Variants in AQP7 observed in about 807,000 individuals in gnomAD.
AQP7 encodes aquaporin-7.
Under a neutral mutation model 26.1 loss-of-function variants are expected in AQP7, and 22 were observed. The observed-to-expected ratio is 0.84, with a 90% CI of 0.60 to 1.20. The LOEUF (loss-of-function observed/expected upper bound fraction) is 1.20, where lower values mean the gene tolerates loss of function less well. Among genes scored for constraint, AQP7 ranks in the 50% most tolerant of loss-of-function variants. The probability of loss-of-function intolerance (pLI) is 0.00; values close to 1 mark genes in which losing one functional copy is unlikely to be tolerated. For synonymous variants in AQP7, 167 were observed against 181.7 expected, an observed-to-expected ratio of 0.92 and a Z score of 0.65; for missense variants, 412 against 457.5, an observed-to-expected ratio of 0.90 and a Z score of 0.91.
At chr9:33,389,153 G>A (rs569719054) in intron 3 of AQP7, among the ~76,000 whole-genome samples, 3 of 151,618 alleles carry the variant, frequency 2.0e-5, no homozygotes, top group South Asian at 4.2e-4. Flanking sequence ...TTAGCCTCCC[G>A]AGTAGTTGAG....
chr9:33,402,022 C>A (rs1217663633), intron 1 of AQP7: 1 of 152,652 alleles, frequency 6.6e-6, no homozygotes. Flanking sequence ...ACGCCTCCCG[C>A]TGTGGTCCAC....
chr9:33,390,304 G>A (rs1825268258), intron 3 of AQP7, among the ~76,000 whole-genome samples: 1 of 152,070 alleles, frequency 6.6e-6, no homozygotes, highest in Admixed American at 6.6e-5. Flanking sequence ...TGGTGCAGAA[G>A]TGGAGGGGTC....
At position 33,385,715 on chromosome 9, in the gene AQP7, T is replaced by C. The variant is rs760474263; in HGVS notation, c.677A>G (p.Asn226Ser). The part of the protein sequence containing the change: ...SLGMNTGYAI[N>S]PSRDLPPRIF... ...GCGGGGGGGCAGGTCCCGGGACGGG[T>C]TGATGGCATATCCTGTGTTCATGCC... The change falls in exon 7 of 8, where the codon AAC becomes AGC. Residue 226 changes from asparagine (N) to serine (S), a missense_variant. Physicochemically the swap from Asn to Ser is conservative, Grantham distance 46. Coordinates refer to ENST00000297988, the MANE Select transcript of AQP7 (RefSeq NM_001170.3). The C allele has an allele frequency of 3.1e-6, 5 of 1,613,708 alleles. No homozygotes were observed. In the African/African-American group the frequency reaches 6.7e-5, roughly 22 times the overall value.
intron 2 of AQP7, among the ~76,000 whole-genome samples, chr9:33,399,173 CAACT>C (rs1211627435): frequency 6.6e-6 from 1 of 151,940 alleles, no homozygotes; most frequent in East Asian, 1.9e-4. Context: ...TATCAAAAAC[CAACT>C]AACTGATTCT....
In AQP7 at chr9:33,386,220, G is replaced by C. The variant is rs190955152; in HGVS notation, c.407-25C>G. 5.3e-5 allele frequency: 86 copies of C among 1,613,720 alleles called. No homozygotes were observed. In the African/African-American group the frequency reaches 1.1e-3, roughly 21 times the overall value. On this transcript the variant is annotated intron_variant, in intron 5 of 7. Coordinates refer to ENST00000297988, the MANE Select transcript of AQP7 (RefSeq NM_001170.3). ...GCTGCGGAGACACAGACTGTCATGCGAACCTGCTCCCAACTAAGCCCCACC... is the reference window on the plus strand; with the variant it reads ...GCTGCGGAGACACAGACTGTCATGCCAACCTGCTCCCAACTAAGCCCCACC...
At chr9:33,396,430 C>T (rs1382874851) in intron 2 of AQP7, among the ~76,000 whole-genome samples, 2 of 118,904 alleles carry the variant, frequency 1.7e-5, no homozygotes, top group Non-Finnish European at 3.4e-5. Context: ...AAGAGCGAGA[C>T]TCCATCTCAA....
intron 2 of AQP7, among the ~76,000 whole-genome samples, chr9:33,397,659 GC>G (rs1825950598): frequency 6.6e-6 from 1 of 152,124 alleles, no homozygotes; most frequent in Admixed American, 6.5e-5. Flanking sequence ...ACTTTTTGCT[GC>G]TGTGAGGTCA....
chr9:33,393,511 T>A (rs1287710986), intron 3 of AQP7, among the ~76,000 whole-genome samples: 1 of 152,160 alleles, frequency 6.6e-6, no homozygotes, highest in Non-Finnish European at 1.5e-5. Context: ...TCACCCCACC[T>A]TCCTCTAGCA....
chr9:33,392,314 AG>A (rs919897845), intron 3 of AQP7, among the ~76,000 whole-genome samples: 5 of 151,878 alleles, frequency 3.3e-5, no homozygotes, highest in African/African-American at 4.8e-5. Context: ...AAAAAAAAAA[AG>A]ACTGTGATAT....
At chr9:33,394,980 C>T (rs1825729047) in intron 3 of AQP7, 98 bp downstream of exon 3, 1 of 1,063,348 alleles carries the variant, frequency 9.4e-7, no homozygotes, top group African/African-American at 1.6e-5. Flanking sequence ...AGCTCAGAGG[C>T]AAGGAATGGA....
chr9:33,387,124 G>A, intron 3 of AQP7, 32 bp from the exon 4 acceptor site: 1 of 1,596,208 alleles, frequency 6.3e-7, no homozygotes, highest in Middle Eastern at 2.3e-4. Flanking sequence ...GGGGCTGCCT[G>A]CCCAGAAGCC....
chr9:33,392,899 G>C (rs1825539263), intron 3 of AQP7, among the ~76,000 whole-genome samples: 1 of 152,160 alleles, frequency 6.6e-6, no homozygotes, highest in South Asian at 2.1e-4. Flanking sequence ...AAGTCCTCCA[G>C]TTTGATGTTA....
chr9:33,397,152 C>T (rs12346759), intron 2 of AQP7, among the ~76,000 whole-genome samples: 40,702 of 149,848 alleles, frequency 0.27, 5,670 homozygotes, highest in South Asian at 0.34. Flanking sequence ...GGTTTTTCTT[C>T]CTAAGGGCTG....
chr9:33,397,230 G>T lies in AQP7; in HGVS notation c.27-2035C>A, dbSNP rs547236495. ...GGCATAGTAGATTCAATAAATCTTTGGTTCATTGGCTGGTTGTTGCCTGCC... is the reference window on the plus strand; with the variant it reads ...GGCATAGTAGATTCAATAAATCTTTTGTTCATTGGCTGGTTGTTGCCTGCC... On this transcript the variant is annotated intron_variant, in intron 2 of 7. Transcript: ENST00000297988. Among the ~76,000 whole-genome samples, 57 of 151,944 alleles carry T rather than the reference G, an allele frequency of 3.8e-4. 1 individual carries two copies. The highest frequency in any genetic ancestry group is 3.4e-3 in the Middle Eastern group (1 of 294).
intron 3 of AQP7, among the ~76,000 whole-genome samples, chr9:33,388,035 C>T (rs886078550): frequency 5.9e-5 from 9 of 152,300 alleles, no homozygotes; most frequent in Non-Finnish European, 1.3e-4. Context: ...CCAAAGCTCT[C>T]TCCAAGGGCT....
At chr9:33,385,917 G>A (rs755901848) in intron 6 of AQP7, 51 bp from the exon 7 acceptor site, 2 of 1,576,380 alleles carry the variant, frequency 1.3e-6, no homozygotes, top group Non-Finnish European at 1.7e-6. Context: ...CCAAGCCACA[G>A]GACCTCGGCA....
rs753925567 is a variant in AQP7 at position 33,386,546 on chromosome 9, G to A, written c.269-5C>T. ...CAGCTGCGTTCATGTGGGCTCCTGC[G>A]GGCAGCAGGCAAGTGTGTCAGGGAG... On this transcript the variant is annotated splice_polypyrimidine_tract_variant and splice_region_variant and intron_variant, in intron 4 of 7. Coordinates refer to ENST00000297988, the MANE Select transcript of AQP7 (RefSeq NM_001170.3). 5.2e-5 allele frequency: 83 copies of A among 1,610,822 alleles called. No homozygotes were observed. The highest frequency in any genetic ancestry group is 5.0e-4 in the Middle Eastern group (3 of 6,030).
chr9:33,385,569 C>G (rs1409435323), intron 7 of AQP7, 80 bp downstream of exon 7: 2 of 1,537,328 alleles, frequency 1.3e-6, no homozygotes, highest in African/African-American at 2.7e-5. Context: ...CTGTGCTGCC[C>G]CTCACATCAC....
chr9:33,399,847 T>C (rs1826127366), intron 2 of AQP7, among the ~76,000 whole-genome samples: 1 of 151,344 alleles, frequency 6.6e-6, no homozygotes, highest in Non-Finnish European at 1.5e-5. Context: ...AGTAGGGTGG[T>C]GGTAGAAAGA....
Sources: gnomAD v4.1 joint callset for allele counts (sites outside exome capture counted in the v4.1 genomes callset) on GRCh38, gnomAD v4.1.1 for gene constraint, MANE v1.5 for transcripts, NCBI Gene and HGNC (gene_info 2026-07-23, HGNC 2026-07-21) for gene names.